The following NCAM2 variants were observed in gnomAD, a reference collection of about 807,000 sequenced individuals.
NCAM2 encodes the protein neural cell adhesion molecule 2.
In NCAM2, 30 loss-of-function variants were observed where a neutral mutation model predicts 98.1. The ratio of observed to expected loss-of-function variants is 0.31; its 90% CI spans 0.23 to 0.41. The LOEUF (loss-of-function observed/expected upper bound fraction) is 0.41, where lower values mean the gene tolerates loss of function less well. Among genes scored for constraint, NCAM2 ranks in the 10% least tolerant of loss-of-function variants. NCAM2 has a pLI of 1.00. For missense variants in NCAM2, 867 were observed against 1,005.8 expected (o/e 0.86, Z 1.87); for synonymous variants, 368 against 342.4 (o/e 1.07, Z -0.83).
chr21:21,281,241 ATAACT>A (rs2072918904), intron 2 of NCAM2, among the ~76,000 whole-genome samples: 2 of 152,306 alleles, frequency 1.3e-5, no homozygotes, highest in African/African-American at 2.4e-5. Flanking sequence ...ATATCTGATA[ATAACT>A]TAAATCAATT....
chr21:21,232,745 G>A (rs1292014925), intron 1 of NCAM2, among the ~76,000 whole-genome samples: 1 of 151,492 alleles, frequency 6.6e-6, no homozygotes, highest in Non-Finnish European at 1.5e-5. Context: ...TTTTCTGGTG[G>A]AATCCCAACA....
chr21:21,004,156 A>G (rs2064069747), intron 1 of NCAM2, among the ~76,000 whole-genome samples: 1 of 152,210 alleles, frequency 6.6e-6, no homozygotes, highest in African/African-American at 2.4e-5. Flanking sequence ...CATAGATTTT[A>G]TTTAAATGAA....
intron 1 of NCAM2, among the ~76,000 whole-genome samples, chr21:21,270,158 G>A (rs2072439362): frequency 6.6e-6 from 1 of 152,078 alleles, no homozygotes; most frequent in Admixed American, 6.6e-5. Flanking sequence ...CTTCATCAAG[G>A]CAGCTAATAA....
In NCAM2 at chr21:21,126,469, A is replaced by G. The variant is rs1261472644; in HGVS notation, c.55+127851A>G. On this transcript the variant is annotated intron_variant, in intron 1 of 17. Coordinates refer to ENST00000400546, the MANE Select transcript of NCAM2 (RefSeq NM_004540.5). ...CTTCTAACTTTTGATGTATTTGTTT[A>G]TATTCCTGTCACTGTAACATAATAA... Among the ~76,000 whole-genome samples, 6 of 152,048 alleles carry G rather than the reference A, an allele frequency of 3.9e-5. No homozygotes were observed. In the East Asian group the frequency reaches 1.2e-3, roughly 29 times the overall value.
intron 1 of NCAM2, among the ~76,000 whole-genome samples, chr21:21,179,376 G>A (rs2068396382): frequency 6.6e-6 from 1 of 151,972 alleles, no homozygotes; most frequent in Non-Finnish European, 1.5e-5. Flanking sequence ...ACAAAGTCGA[G>A]TATACCCGAA....
intron 12 of NCAM2, among the ~76,000 whole-genome samples, chr21:21,443,963 A>G (rs377655519): frequency 2.0e-5 from 3 of 152,148 alleles, no homozygotes; most frequent in East Asian, 3.9e-4. Context: ...TCAATGTGAT[A>G]TTGGCTGTGG....
intron 15 of NCAM2, among the ~76,000 whole-genome samples, chr21:21,505,725 G>A (rs750315019): frequency 2.0e-5 from 3 of 151,848 alleles, no homozygotes; most frequent in Admixed American, 6.6e-5. Flanking sequence ...ATAATTTTTA[G>A]TTGAAATATC....
At chr21:21,442,172 A>G (rs1979385308) in intron 12 of NCAM2, among the ~76,000 whole-genome samples, 1 of 152,058 alleles carries the variant, frequency 6.6e-6, no homozygotes, top group Non-Finnish European at 1.5e-5. Context: ...ATCTAGGATC[A>G]CTCTAGCTAC....
chr21:21,394,469 CTTTTTTTTTTTTTTTTTTT>C (rs532068473), intron 9 of NCAM2, among the ~76,000 whole-genome samples: 19 of 57,628 alleles, frequency 3.3e-4, no homozygotes, highest in African/African-American at 6.4e-4. Flanking sequence ...AAGGGGCCAG[CTTTTTTTTTTTTTTTTTTT>C]TTTTTTTTTT....
At position 21,538,025 on chromosome 21, in the gene NCAM2, A is replaced by G. The variant is rs1028050527; in HGVS notation, c.*68A>G. The stretch of plus-strand genomic sequence containing the variant: ...TGGATTGCGTGACCCTATGACCAAA[A>G]CTATTCCATTGACCTTAATTTCTTG... On this transcript the variant is annotated 3_prime_UTR_variant, in exon 18 of 18. Coordinates refer to ENST00000400546, the MANE Select transcript of NCAM2 (RefSeq NM_004540.5). 17 of 845,340 alleles carry G rather than the reference A, an allele frequency of 2.0e-5. No individual in the cohort carries two copies. Among genetic ancestry groups the G allele is most frequent in the Admixed American group, 1.2e-4 (4 of 33,898 alleles). The allele number at this position is 845,340 out of a possible 1,614,324, so 52.4% of individuals were successfully genotyped here.
chr21:21,342,580 G>A (rs1330871951), intron 8 of NCAM2, among the ~76,000 whole-genome samples: 1 of 152,142 alleles, frequency 6.6e-6, no homozygotes, highest in Non-Finnish European at 1.5e-5. Flanking sequence ...GAACATTTCA[G>A]AAGAATCAGG....
intron 1 of NCAM2, among the ~76,000 whole-genome samples, chr21:21,042,134 C>G (rs1261474165): frequency 2.0e-5 from 3 of 152,160 alleles, no homozygotes; most frequent in Non-Finnish European, 4.4e-5. Context: ...CAATCTGACT[C>G]TACATCAATA....
chr21:21,090,646 C>T (rs988204620), intron 1 of NCAM2, among the ~76,000 whole-genome samples: 3 of 152,074 alleles, frequency 2.0e-5, no homozygotes, highest in Non-Finnish European at 4.4e-5. Flanking sequence ...TGAAACGATT[C>T]GTTTCTCCAG....
chr21:21,068,729 T>A (rs2065495755), intron 1 of NCAM2, among the ~76,000 whole-genome samples: 2 of 152,140 alleles, frequency 1.3e-5, no homozygotes, highest in South Asian at 2.1e-4. Flanking sequence ...AGGTATTGCA[T>A]TTGTATGCAA....
chr21:21,230,760 T>C (rs989460856), intron 1 of NCAM2, among the ~76,000 whole-genome samples: 1 of 151,438 alleles, frequency 6.6e-6, no homozygotes, highest in Non-Finnish European at 1.5e-5. Context: ...CACACTTTCA[T>C]GAGTATTCCG....
intron 5 of NCAM2, among the ~76,000 whole-genome samples, chr21:21,321,089 C>T (rs2074363114): frequency 1.3e-5 from 2 of 152,094 alleles, no homozygotes; most frequent in Non-Finnish European, 2.9e-5. Flanking sequence ...TTCTCTTGGC[C>T]AGGAACCAAG....
At chr21:21,417,323 T>G (rs774523309) in intron 10 of NCAM2, among the ~76,000 whole-genome samples, 3 of 152,100 alleles carry the variant, frequency 2.0e-5, no homozygotes, top group Non-Finnish European at 4.4e-5. Flanking sequence ...TTTAATCACT[T>G]AGCAGTAATT....
At chr21:21,416,805 G>C (rs927842218) in intron 10 of NCAM2, among the ~76,000 whole-genome samples, 1 of 151,872 alleles carries the variant, frequency 6.6e-6, no homozygotes, top group Non-Finnish European at 1.5e-5. Flanking sequence ...ACCACTATTG[G>C]ACTTTAGTTT....
At chr21:21,229,984 C>G (rs891869812) in intron 1 of NCAM2, among the ~76,000 whole-genome samples, 1 of 151,130 alleles carries the variant, frequency 6.6e-6, no homozygotes, top group South Asian at 2.1e-4. Context: ...ACTGTTCTAA[C>G]AGATTTATAT....
Sources: allele counts gnomAD v4.1 joint callset (sites outside exome capture counted in the v4.1 genomes callset), GRCh38; gene constraint gnomAD v4.1.1; transcripts MANE v1.5; gene names NCBI Gene and HGNC (gene_info 2026-07-23, HGNC 2026-07-21).